The following KCNA5 variants were observed in gnomAD, a reference collection of about 807,000 sequenced individuals.
The protein encoded by KCNA5 is cardiac potassium channel.
In KCNA5, 22 loss-of-function variants were observed where a neutral mutation model predicts 26.5. The observed-to-expected ratio is 0.83, with a 90% CI of 0.59 to 1.18. KCNA5 has a LOEUF of 1.18. Among genes scored for constraint, KCNA5 ranks in the 50% most tolerant of loss-of-function variants. The pLI is 0.00. For synonymous variants in KCNA5, 465 were observed against 372.8 expected (o/e 1.25, Z -2.85); for missense variants, 916 against 843.2 (o/e 1.09, Z -1.07).
In KCNA5 at chr12:5,044,407, G is replaced by A. The variant is rs71537801; in HGVS notation, c.260G>A (p.Arg87Gln). 2.3e-4 allele frequency: 370 copies of A among 1,594,464 alleles called. No homozygotes were observed. The highest frequency in any genetic ancestry group is 1.0e-3 in the Middle Eastern group (6 of 5,992). The part of the protein sequence containing the change: ...PLPPLPEELP[R>Q]PRRPPPEDEE... ...CCTCCGCTGCCAGAGGAGCTGCCAC[G>A]GCCTCGACGGCCGCCTCCCGAGGAC... Residue 87 changes from arginine to glutamine, a missense_variant, in exon 1 of 1, where the codon CGG becomes CAG. Transcript: ENST00000252321.
Position 5,045,737 on chromosome 12 carries a change from G to A in KCNA5, c.1590G>A (p.Glu530=), listed in dbSNP as rs1862770192. Residue 530 remains glutamate (E), a synonymous_variant, in exon 1 of 1, where the codon GAG becomes GAA. Coordinates refer to ENST00000252321, the MANE Select transcript of KCNA5 (RefSeq NM_002234.4). This position sits in a 1 kb window ranked among gnomAD's most constrained non-coding sequence, Gnocchi z 5.6. ...NYFYHRETDH[E]EPAVLKEEQG... is the part of the protein sequence containing the mutation. ...TCTACCACCGGGAAACGGATCACGAGGAGCCGGCAGTCCTTAAGGAAGAGC... is the reference window on the plus strand; with the variant it reads ...TCTACCACCGGGAAACGGATCACGAAGAGCCGGCAGTCCTTAAGGAAGAGC... 6.2e-7 allele frequency: 1 copy of A among 1,614,164 alleles called. No individual in the cohort carries two copies. Among genetic ancestry groups the A allele is most frequent in the Non-Finnish European group, 8.5e-7 (1 of 1,180,050 alleles).
chr12:5,044,144 C>A lies in KCNA5; in HGVS notation c.-4C>A, dbSNP rs771029395. 3.9e-6 allele frequency: 6 copies of A among 1,534,852 alleles called. No homozygotes were observed. Among genetic ancestry groups the A allele is most frequent in the Non-Finnish European group, 4.4e-6 (5 of 1,146,516 alleles). On this transcript the variant is annotated 5_prime_UTR_variant, in exon 1 of 1. Transcript: ENST00000252321. Reference sequence around the variant, plus strand: ...GGGCGCAGCATGCCCTCTGCTCCCGCGCCATGGAGATCGCCCTGGTGCCCC... The same window carrying A: ...GGGCGCAGCATGCCCTCTGCTCCCGAGCCATGGAGATCGCCCTGGTGCCCC...
rs71541953 is a variant in KCNA5 at position 5,044,364 on chromosome 12, C to G, written c.217C>G (p.Pro73Ala). 1.3e-6 allele frequency: 2 copies of G among 1,551,720 alleles called. No homozygotes were observed. Among genetic ancestry groups the G allele is most frequent in the Non-Finnish European group, 1.7e-6 (2 of 1,153,788 alleles). The change falls in exon 1 of 1, where the codon CCG (proline) becomes GCG (alanine). Residue 73 changes from proline (P) to alanine (A), a missense_variant. Coordinates refer to ENST00000252321, the MANE Select transcript of KCNA5 (RefSeq NM_002234.4). ...GCGGCCCTTGCCTCCGCTGCCGGAC[C>G]CGGGAGTGCGGCCCTTGCCTCCGCT... is the stretch of plus-strand genomic sequence containing the variant. ...GVRPLPPLPDPGVRPLPPLPE... is the reference protein window; with the variant it reads ...GVRPLPPLPDAGVRPLPPLPE...
At position 5,045,299 on chromosome 12, in the gene KCNA5, A is replaced by G. The variant is rs763814123; in HGVS notation, c.1152A>G (p.Gly384=). Residue 384 remains glycine (G), a synonymous_variant, in exon 1 of 1, where the codon GGA becomes GGG. Transcript: ENST00000252321. The surrounding 1 kb of genome is among the most constrained non-coding windows in gnomAD (Gnocchi z 5.6). ...TGGCAGAGCAGCAGCCAGGGGGTGGAGGAGGCGGCCAGAATGGGCAGCAGG... is the reference window on the plus strand; with the variant it reads ...TGGCAGAGCAGCAGCCAGGGGGTGGGGGAGGCGGCCAGAATGGGCAGCAGG... ...TELAEQQPGG[G]GGGQNGQQAM... 1 of 1,614,066 alleles carries G rather than the reference A, an allele frequency of 6.2e-7. No individual in the cohort carries two copies. The highest frequency in any genetic ancestry group is 8.5e-7 in the Non-Finnish European group (1 of 1,179,966).
Position 5,045,011 on chromosome 12 carries a change from C to T in KCNA5, c.864C>T (p.Pro288=), listed in dbSNP as rs1263218625. 6.2e-7 allele frequency: 1 copy of T among 1,612,878 alleles called. No homozygotes were observed. The highest frequency in any genetic ancestry group is 1.7e-5 in the Admixed American group (1 of 60,012). The change falls in exon 1 of 1, where the codon CCC becomes CCT. Residue 288 remains proline, a synonymous_variant. Transcript: ENST00000252321. The surrounding 1 kb of genome is among the most constrained non-coding windows in gnomAD (Gnocchi z 5.6). ...ERELLRHPPA[P]HQPPAPAPGA... ...AGCTGCTCCGCCACCCTCCGGCGCCCCACCAGCCTCCCGCGCCCGCCCCTG... is the reference window on the plus strand; with the variant it reads ...AGCTGCTCCGCCACCCTCCGGCGCCTCACCAGCCTCCCGCGCCCGCCCCTG...
At position 5,045,840 on chromosome 12, in the gene KCNA5, A is replaced by C. The variant is rs1259756982; in HGVS notation, c.1693A>C (p.Lys565Gln). Reference sequence around the variant, plus strand: ...CAGCGGGAGCAGGGGATCCTTCTGCAAGGCTGGGGGGACCCTGGAGAATGC... The same window carrying C: ...CAGCGGGAGCAGGGGATCCTTCTGCCAGGCTGGGGGGACCCTGGAGAATGC... ...KVSGSRGSFC[K>Q]AGGTLENADS... Residue 565 changes from lysine (K) to glutamine (Q), a missense_variant, in exon 1 of 1, where the codon AAG (lysine) becomes CAG (glutamine). Lys to Gln is a moderately conservative substitution (Grantham distance 53). Transcript: ENST00000252321. The surrounding 1 kb of genome is among the most constrained non-coding windows in gnomAD (Gnocchi z 5.6). 3 of 1,613,994 alleles carry C rather than the reference A, an allele frequency of 1.9e-6. No individual in the cohort carries two copies. Among genetic ancestry groups the C allele is most frequent in the Non-Finnish European group, 2.5e-6 (3 of 1,179,982 alleles).
Position 5,043,935 on chromosome 12 carries a change from A to T in KCNA5, c.-213A>T, listed in dbSNP as rs1020431009. 2 of 586,028 alleles carry T rather than the reference A, an allele frequency of 3.4e-6. No individual in the cohort carries two copies. Among genetic ancestry groups the T allele is most frequent in the South Asian group, 4.2e-5 (2 of 47,160 alleles). The allele number at this position is 586,028 out of a possible 1,614,324, so 36.3% of individuals were successfully genotyped here. ...GAAGGAGGCTTTTCGGCTGCTTGGT[A>T]ACGGGCTGCCAGAAGAGAGAGAGGC... On this transcript the variant is annotated 5_prime_UTR_variant, in exon 1 of 1. Coordinates refer to ENST00000252321, the MANE Select transcript of KCNA5 (RefSeq NM_002234.4).
rs772896694 is a variant in KCNA5, at chr12:5,044,464, C to T, written c.317C>T (p.Thr106Met). The stretch of plus-strand genomic sequence containing the variant: ...GAAGAAGGCGATCCCGGCCTGGGCA[C>T]GGTGGAGGACCAGGCTCTGGGCACG... ...EEEEGDPGLG[T>M]VEDQALGTAS... Residue 106 changes from threonine to methionine, a missense_variant, in exon 1 of 1, where the codon ACG becomes ATG. Transcript: ENST00000252321. 2 of 1,611,348 alleles carry T rather than the reference C, an allele frequency of 1.2e-6. No homozygotes were observed. The highest frequency in any genetic ancestry group is 1.3e-5 in the African/African-American group (1 of 75,054).
rs376656991 is a variant in KCNA5 at position 5,045,720 on chromosome 12, C to A, written c.1573C>A (p.Arg525=). The part of the protein sequence containing the change: ...IVSNFNYFYH[R]ETDHEEPAVL... ...CTCCAACTTCAACTACTTCTACCAC[C>A]GGGAAACGGATCACGAGGAGCCGGC... is the stretch of plus-strand genomic sequence containing the variant. The change falls in exon 1 of 1, where the codon CGG becomes AGG. Residue 525 remains arginine, a synonymous_variant. Transcript: ENST00000252321. The surrounding 1 kb of genome is among the most constrained non-coding windows in gnomAD (Gnocchi z 5.6). The A allele has an allele frequency of 1.9e-6, 3 of 1,614,180 alleles. No homozygotes were observed. The highest frequency in any genetic ancestry group is 2.5e-6 in the Non-Finnish European group (3 of 1,180,034).
At position 5,044,687 on chromosome 12, in the gene KCNA5, G is replaced by T; in HGVS notation, c.540G>T (p.Gln180His). The change falls in exon 1 of 1, where the codon CAG becomes CAT. Residue 180 changes from glutamine (Q) to histidine (H), a missense_variant. Physicochemically the swap from Gln to His is conservative, Grantham distance 24 (BLOSUM62 0). Coordinates refer to ENST00000252321, the MANE Select transcript of KCNA5 (RefSeq NM_002234.4). ...PSFDGILYYYQSGGRLRRPVN... is the reference protein window; with the variant it reads ...PSFDGILYYYHSGGRLRRPVN... Reference sequence around the variant, plus strand: ...TCGACGGTATCCTCTACTACTACCAGTCCGGGGGCCGCCTGCGGAGGCCGG... The same window carrying T: ...TCGACGGTATCCTCTACTACTACCATTCCGGGGGCCGCCTGCGGAGGCCGG... 1 of 1,614,156 alleles carries T rather than the reference G, an allele frequency of 6.2e-7. No homozygotes were observed. The highest frequency in any genetic ancestry group is 8.5e-7 in the Non-Finnish European group (1 of 1,180,040).
rs1299313851 is a variant in KCNA5 at position 5,044,131 on chromosome 12, C to T, written c.-17C>T. ...AGCCGGTCAGCTGGGGCGCAGCATG[C>T]CCTCTGCTCCCGCGCCATGGAGATC... On this transcript the variant is annotated 5_prime_UTR_variant, in exon 1 of 1. Transcript: ENST00000252321. 2.0e-6 allele frequency: 3 copies of T among 1,533,932 alleles called. No individual in the cohort carries two copies. The highest frequency in any genetic ancestry group is 2.6e-6 in the Non-Finnish European group (3 of 1,146,362).
chr12:5,044,306 G>A lies in KCNA5; in HGVS notation c.159G>A (p.Gly53=), dbSNP rs1292147729. 1 of 1,549,382 alleles carries A rather than the reference G, an allele frequency of 6.5e-7. No individual in the cohort carries two copies. Among genetic ancestry groups the A allele is most frequent in the South Asian group, 1.2e-5 (1 of 85,150 alleles). Reference sequence around the variant, plus strand: ...GGCCCAAGGAGCCGGCGCCAAAGGGGCGCGGCGCGCAGAGAGACGCGGACT... The same window carrying A: ...GGCCCAAGGAGCCGGCGCCAAAGGGACGCGGCGCGCAGAGAGACGCGGACT... ...SDGPKEPAPK[G]RGAQRDADSG... The change falls in exon 1 of 1, where the codon GGG becomes GGA. Residue 53 remains glycine, a synonymous_variant. Transcript: ENST00000252321.
In KCNA5 at chr12:5,044,464, C is replaced by A. The variant is rs772896694; in HGVS notation, c.317C>A (p.Thr106Lys). The A allele has an allele frequency of 3.1e-6, 5 of 1,611,232 alleles. No homozygotes were observed. The African/African-American group carries it at 6.7e-5, about 22-fold the overall frequency. Reference sequence around the variant, plus strand: ...GAAGAAGGCGATCCCGGCCTGGGCACGGTGGAGGACCAGGCTCTGGGCACG... The same window carrying A: ...GAAGAAGGCGATCCCGGCCTGGGCAAGGTGGAGGACCAGGCTCTGGGCACG... ...EEEEGDPGLG[T>K]VEDQALGTAS... Residue 106 changes from threonine to lysine, a missense_variant, in exon 1 of 1, where the codon ACG becomes AAG. Transcript: ENST00000252321.
rs1565465652 is a variant in KCNA5 at position 5,045,060 on chromosome 12, GCC to G, written c.916_917del (p.Pro306AlafsTer152). 6.2e-7 allele frequency: 1 copy of G among 1,612,418 alleles called. No individual in the cohort carries two copies. The highest frequency in any genetic ancestry group is 8.5e-7 in the Non-Finnish European group (1 of 1,179,476). On this transcript the variant is annotated frameshift_variant, in exon 1 of 1. Transcript: ENST00000252321. LOFTEE classifies it high-confidence loss of function. The surrounding 1 kb of genome is among the most constrained non-coding windows in gnomAD (Gnocchi z 5.6). ...APGANGSGVM[A>X]PPSGPTVAPL... Reference sequence around the variant, plus strand: ...TGGGGCCAACGGCAGCGGGGTCATGGCCCCGCCCTCTGGCCCTACGGTGGCAC... The same window carrying G: ...TGGGGCCAACGGCAGCGGGGTCATGGCCGCCCTCTGGCCCTACGGTGGCAC...
Position 5,045,882 on chromosome 12 carries a change from G to A in KCNA5, c.1735G>A (p.Gly579Ser), listed in dbSNP as rs764006390. Residue 579 changes from glycine to serine, a missense_variant, in exon 1 of 1, where the codon GGC becomes AGC. Transcript: ENST00000252321. This position sits in a 1 kb window ranked among gnomAD's most constrained non-coding sequence, Gnocchi z 5.6. ...TLENADSARRGSCPLEKCNVK... is the reference protein window; with the variant it reads ...TLENADSARRSSCPLEKCNVK... Reference sequence around the variant, plus strand: ...GGAGAATGCAGACAGTGCCCGAAGGGGCAGCTGCCCCCTAGAGAAGTGTAA... The same window carrying A: ...GGAGAATGCAGACAGTGCCCGAAGGAGCAGCTGCCCCCTAGAGAAGTGTAA... 2 of 1,614,140 alleles carry A rather than the reference G, an allele frequency of 1.2e-6. No individual in the cohort carries two copies. Among genetic ancestry groups the A allele is most frequent in the Non-Finnish European group, 1.7e-6 (2 of 1,180,042 alleles).
At position 5,045,638 on chromosome 12, in the gene KCNA5, C is replaced by G; in HGVS notation, c.1491C>G (p.Gly497=). ...RPITVGGKIV[G]SLCAIAGVLT... ...TCACTGTTGGGGGCAAGATCGTGGGCTCGCTGTGTGCCATCGCCGGGGTCC... is the reference window on the plus strand; with the variant it reads ...TCACTGTTGGGGGCAAGATCGTGGGGTCGCTGTGTGCCATCGCCGGGGTCC... Residue 497 remains glycine (G), a synonymous_variant, in exon 1 of 1, where the codon GGC becomes GGG. Coordinates refer to ENST00000252321, the MANE Select transcript of KCNA5 (RefSeq NM_002234.4). The surrounding 1 kb of genome is among the most constrained non-coding windows in gnomAD (Gnocchi z 5.6). The G allele has an allele frequency of 6.2e-7, 1 of 1,614,228 alleles. No individual in the cohort carries two copies. The highest frequency in any genetic ancestry group is 8.5e-7 in the Non-Finnish European group (1 of 1,180,030).
At position 5,044,354 on chromosome 12, in the gene KCNA5, G is replaced by A; in HGVS notation, c.207G>A (p.Pro69=). 1.3e-6 allele frequency: 2 copies of A among 1,547,384 alleles called. No homozygotes were observed. The highest frequency in any genetic ancestry group is 8.7e-7 in the Non-Finnish European group (1 of 1,151,656). Residue 69 remains proline (P), a synonymous_variant, in exon 1 of 1, where the codon CCG becomes CCA. Coordinates refer to ENST00000252321, the MANE Select transcript of KCNA5 (RefSeq NM_002234.4). ...DADSGVRPLP[P]LPDPGVRPLP... ...ACTCGGGAGTGCGGCCCTTGCCTCC[G>A]CTGCCGGACCCGGGAGTGCGGCCCT...
At position 5,045,945 on chromosome 12, in the gene KCNA5, C is replaced by A; in HGVS notation, c.1798C>A (p.Leu600Ile). 3 of 1,613,740 alleles carry A rather than the reference C, an allele frequency of 1.9e-6. No homozygotes were observed. The highest frequency in any genetic ancestry group is 2.2e-5 in the South Asian group (2 of 91,076). Residue 600 changes from leucine to isoleucine, a missense_variant, in exon 1 of 1, where the codon CTT becomes ATT. Transcript: ENST00000252321. This position sits in a 1 kb window ranked among gnomAD's most constrained non-coding sequence, Gnocchi z 5.6. ...GAGCAACGTGGACTTGCGGAGGTCC[C>A]TTTATGCCCTCTGCCTGGACACCAG... ...AKSNVDLRRSLYALCLDTSRE... is the reference protein window; with the variant it reads ...AKSNVDLRRSIYALCLDTSRE...
At position 5,044,257 on chromosome 12, in the gene KCNA5, C is replaced by G. The variant is rs941518325; in HGVS notation, c.110C>G (p.Pro37Arg). Residue 37 changes from proline to arginine, a missense_variant, in exon 1 of 1, where the codon CCC (proline) becomes CGC (arginine). Physicochemically the swap from Pro to Arg is moderately radical, Grantham distance 103 (BLOSUM62 -2). Coordinates refer to ENST00000252321, the MANE Select transcript of KCNA5 (RefSeq NM_002234.4). ...GCCACAGGGGGAGAGCTCCAGTGTC[C>G]CCCGACGGCTGGGCTCAGCGATGGG... ...GQATGGELQC[P>R]PTAGLSDGPK... 18 of 1,541,006 alleles carry G rather than the reference C, an allele frequency of 1.2e-5. No individual in the cohort carries two copies. The highest frequency in any genetic ancestry group is 1.5e-5 in the Non-Finnish European group (17 of 1,148,856).
Sources: allele counts gnomAD v4.1 joint callset, GRCh38; gene constraint gnomAD v4.1.1; non-coding constraint Gnocchi (gnomAD v3.1); transcripts MANE v1.5; gene names NCBI Gene and HGNC (gene_info 2026-07-23, HGNC 2026-07-21).